UGT1A5: variants seen among roughly 807,000 people sequenced by gnomAD.
UGT1A5 encodes the protein UDP-glucuronosyltransferase 1A5.
A neutral mutation model predicts 40.3 loss-of-function variants in UGT1A5; 29 were observed. The observed-to-expected ratio is 0.72, with a 90% CI of 0.54 to 0.98. The LOEUF (loss-of-function observed/expected upper bound fraction) is 0.98, where lower values mean the gene tolerates loss of function less well. UGT1A5 is among the 50% of genes least tolerant of loss of function. UGT1A5 has a pLI of 0.00. For missense variants in UGT1A5, 678 were observed against 677.9 expected, an observed-to-expected ratio of 1.00 and a Z score of 0.00; for synonymous variants, 257 against 262.5, an observed-to-expected ratio of 0.98 and a Z score of 0.20.
chr2:233,758,001 G>A (rs1372978564), intron 1 of UGT1A5, among the ~76,000 whole-genome samples: 1 of 152,062 alleles, frequency 6.6e-6, no homozygotes, highest in Non-Finnish European at 1.5e-5. Context: ...TAATTGCCTG[G>A]TCATGAGTTT....
chr2:233,713,664 C>T lies in UGT1A5; in HGVS notation c.673C>T (p.His225Tyr), dbSNP rs17862867. Reference sequence around the variant, plus strand: ...CCCTCTGGCCCTGTCCTACCTTTGCCATGCTGTTTCTGCTCCTTATGCAAG... The same window carrying T: ...CCCTCTGGCCCTGTCCTACCTTTGCTATGCTGTTTCTGCTCCTTATGCAAG... ...LYPLALSYLC[H>Y]AVSAPYASLA... The change falls in exon 1 of 5, where the codon CAT (histidine) becomes TAT (tyrosine). Residue 225 changes from histidine to tyrosine, a missense_variant. Physicochemically the swap from His to Tyr is moderately conservative, Grantham distance 83. Coordinates refer to ENST00000373414, the MANE Select transcript of UGT1A5 (RefSeq NM_019078.2). 0.098 allele frequency: 157,954 copies of T among 1,613,772 alleles called. 8,758 individuals carry two copies. The highest frequency in any genetic ancestry group is 0.2 in the South Asian group (17,766 of 91,040).
intron 1 of UGT1A5, among the ~76,000 whole-genome samples, chr2:233,714,546 C>A (rs184179436): frequency 6.6e-6 from 1 of 152,158 alleles, no homozygotes; most frequent in East Asian, 1.9e-4. Flanking sequence ...ACCGAAGTGT[C>A]CAATAGAAAT....
At chr2:233,727,027 T>C (rs1038616426) in intron 1 of UGT1A5, among the ~76,000 whole-genome samples, 3 of 152,346 alleles carry the variant, frequency 2.0e-5, no homozygotes, top group African/African-American at 7.2e-5. Flanking sequence ...TTTTGTACCC[T>C]AAGGAATCTT....
chr2:233,750,098 G>A (rs1449295750), intron 1 of UGT1A5, among the ~76,000 whole-genome samples: 1 of 151,902 alleles, frequency 6.6e-6, no homozygotes, highest in Non-Finnish European at 1.5e-5. Context: ...AGTTTGGAGA[G>A]CTCAGAAGAA....
At chr2:233,759,330 G>A (rs1053848979) in intron 1 of UGT1A5, among the ~76,000 whole-genome samples, 20 of 152,160 alleles carry the variant, frequency 1.3e-4, no homozygotes, top group Admixed American at 1.3e-3. Flanking sequence ...TTAATTGGTT[G>A]GTTCAGGTGA....
rs543813427 is a variant in UGT1A5, at chr2:233,762,081, T to A, written c.868-4953T>A. Among the ~76,000 whole-genome samples, 15 of 152,334 alleles carry A rather than the reference T, an allele frequency of 9.8e-5. No homozygotes were observed. In the South Asian group the frequency reaches 3.1e-3, roughly 32 times the overall value. On this transcript the variant is annotated intron_variant, in intron 1 of 4. Transcript: ENST00000373414. ...TAGCACATCAAATATGGCAGCCATT[T>A]CACTTAGATAGTTGTTGATTGTCCG...
chr2:233,753,489 A>C (rs964194118), intron 1 of UGT1A5: 3 of 151,990 alleles, frequency 2.0e-5, no homozygotes, highest in African/African-American at 7.3e-5. Context: ...TGCTGCTCTT[A>C]ATTTTTTTCA....
At chr2:233,749,031 C>A (rs1694088347) in intron 1 of UGT1A5, among the ~76,000 whole-genome samples, 1 of 151,676 alleles carries the variant, frequency 6.6e-6, no homozygotes, top group African/African-American at 2.4e-5. Context: ...ATTTGGGGTT[C>A]ATTGATGTGG....
rs766058550 is a variant in UGT1A5, at chr2:233,767,176, T to C, written c.999+11T>C. 2 of 1,614,040 alleles carry C rather than the reference T, an allele frequency of 1.2e-6. No individual in the cohort carries two copies. Among genetic ancestry groups the C allele is most frequent in the Admixed American group, 1.7e-5 (1 of 60,022 alleles). Reference sequence around the variant, plus strand: ...AAAATCCCTCAGACAGTAAGAAGATTCTATACCATGGCCTCATATCTATTT... The same window carrying C: ...AAAATCCCTCAGACAGTAAGAAGATCCTATACCATGGCCTCATATCTATTT... On this transcript the variant is annotated intron_variant, in intron 2 of 4. Coordinates refer to ENST00000373414, the MANE Select transcript of UGT1A5 (RefSeq NM_019078.2).
intron 1 of UGT1A5, among the ~76,000 whole-genome samples, chr2:233,728,327 C>T (rs1274244958): frequency 6.6e-6 from 1 of 152,196 alleles, no homozygotes; most frequent in Admixed American, 6.5e-5. Flanking sequence ...CAGGCTCCAG[C>T]TCCCCCAGTC....
At position 233,743,716 on chromosome 2, in the gene UGT1A5, G is replaced by A. The variant is rs779950685; in HGVS notation, c.868-23318G>A. ...CGCCCTCCGCCCCCGCCTCGCCATA[G>A]CGGTCATAGATATCGCGTTTCTTGG... On this transcript the variant is annotated intron_variant, in intron 1 of 4. Coordinates refer to ENST00000373414, the MANE Select transcript of UGT1A5 (RefSeq NM_019078.2). 152 of 1,367,230 alleles carry A rather than the reference G, an allele frequency of 1.1e-4. 1 individual carries two copies. The highest frequency in any genetic ancestry group is 6.5e-5 in the Non-Finnish European group (66 of 1,021,862). The allele number at this position is 1,367,230 out of a possible 1,614,324, so 84.7% of individuals were successfully genotyped here.
At chr2:233,757,535 A>AATAAATATACATATACATATATATATAT (rs1553619837) in intron 1 of UGT1A5, among the ~76,000 whole-genome samples, 4 of 88,284 alleles carry the variant, frequency 4.5e-5, no homozygotes, top group African/African-American at 2.0e-4. Flanking sequence ...GCCTGTAAGG[A>AATAAATATACATATACATATATATATAT]ATATATATAT....
At position 233,730,468 on chromosome 2, in the gene UGT1A5, C is replaced by T. The variant is rs1456755301; in HGVS notation, c.867+16610C>T. ...TGATAGACAGGTGACCACAGGAGAC[C>T]TAGGCACTCACATGAAATAGAAGTG... On this transcript the variant is annotated intron_variant, in intron 1 of 4. Coordinates refer to ENST00000373414, the MANE Select transcript of UGT1A5 (RefSeq NM_019078.2). 5.3e-5 allele frequency among the ~76,000 whole-genome samples: 8 copies of T among 152,226 alleles called. No individual in the cohort carries two copies. In the East Asian group the frequency reaches 1.3e-3, roughly 26 times the overall value.
chr2:233,725,827 T>G (rs1405818881), intron 1 of UGT1A5, among the ~76,000 whole-genome samples: 1 of 152,182 alleles, frequency 6.6e-6, no homozygotes. Flanking sequence ...ATACCAGTAT[T>G]GCTACTCCTA....
At position 233,734,224 on chromosome 2, in the gene UGT1A5, G is replaced by T. The variant is rs1427177623; in HGVS notation, c.867+20366G>T. ...AGAGCCTGTTGTTGGTCTATTCAGAGATTCAACTTCTTCCTGCTTTAGTCT... is the reference window on the plus strand; with the variant it reads ...AGAGCCTGTTGTTGGTCTATTCAGATATTCAACTTCTTCCTGCTTTAGTCT... On this transcript the variant is annotated intron_variant, in intron 1 of 4. Coordinates refer to ENST00000373414, the MANE Select transcript of UGT1A5 (RefSeq NM_019078.2). 2.6e-5 allele frequency among the ~76,000 whole-genome samples: 4 copies of T among 152,156 alleles called. No individual in the cohort carries two copies. The East Asian group carries it at 5.8e-4, about 22-fold the overall frequency.
intron 1 of UGT1A5, chr2:233,754,454 C>T: frequency 5.6e-6 from 2 of 355,014 alleles, no homozygotes; most frequent in Admixed American, 3.8e-5. Context: ...TTCTTGGGTA[C>T]AGCTGTTCTG....
intron 1 of UGT1A5, chr2:233,721,708 G>T (rs994914932): frequency 2.4e-5 from 9 of 371,466 alleles, no homozygotes; most frequent in African/African-American, 4.2e-5. Flanking sequence ...GCTCATCTTG[G>T]ATGCTTTGTT....
chr2:233,721,911 G>GGAA, intron 1 of UGT1A5: 1 of 435,688 alleles, frequency 2.3e-6, no homozygotes, highest in Non-Finnish European at 4.6e-6. Flanking sequence ...GGTGCACACT[G>GGAA]CTTCCATAAA....
chr2:233,749,735 T>C (rs1694263378), intron 1 of UGT1A5, among the ~76,000 whole-genome samples: 1 of 151,892 alleles, frequency 6.6e-6, no homozygotes, highest in Non-Finnish European at 1.5e-5. Context: ...CACCTGCTGG[T>C]CTCATCATAG....
Sources: gnomAD v4.1 joint callset for allele counts (sites outside exome capture counted in the v4.1 genomes callset) on GRCh38, gnomAD v4.1.1 for gene constraint, MANE v1.5 for transcripts, NCBI Gene and HGNC (gene_info 2026-07-23, HGNC 2026-07-21) for gene names.